RIMS2: variants seen among roughly 807,000 people sequenced by gnomAD.
RIMS2 encodes regulating synaptic membrane exocytosis protein 2.
A neutral mutation model predicts 174.4 loss-of-function variants in RIMS2; 59 were observed. The observed-to-expected ratio is 0.34, with a 90% confidence interval of 0.27 to 0.42. RIMS2 has a LOEUF of 0.42. Among genes scored for constraint, RIMS2 ranks in the 10% least tolerant of loss-of-function variants. The pLI, the probability that RIMS2 is intolerant of heterozygous loss-of-function variation, is 1.00. For synonymous variants in RIMS2, 606 were observed against 572.5 expected, an observed-to-expected ratio of 1.06 and a Z score of -0.84; for missense variants, 1,620 against 1,666.3, an observed-to-expected ratio of 0.97 and a Z score of 0.48.
chr8:104,206,081 G>C (rs1221065086), intron 19 of RIMS2, among the ~76,000 whole-genome samples: 1 of 152,036 alleles, frequency 6.6e-6, no homozygotes, highest in Non-Finnish European at 1.5e-5. Context: ...ATATTATGAA[G>C]AGGAAAAGGA....
At chr8:103,810,281 A>G (rs1190232750) in intron 3 of RIMS2, among the ~76,000 whole-genome samples, 1 of 152,160 alleles carries the variant, frequency 6.6e-6, no homozygotes, top group African/African-American at 2.4e-5. Flanking sequence ...CTCCTGGGCT[A>G]TGCTGACAAG....
chr8:103,611,142 T>TTTTTG (rs946335372), intron 1 of RIMS2, among the ~76,000 whole-genome samples: 7 of 152,144 alleles, frequency 4.6e-5, no homozygotes, highest in East Asian at 1.9e-4. Context: ...CCCTGAGGGT[T>TTTTTG]TTTTGTTTTG....
chr8:103,799,984 A>G lies in RIMS2; in HGVS notation c.698+33447A>G, dbSNP rs528819012. Among the ~76,000 whole-genome samples the G allele has an allele frequency of 2.6e-5, 4 of 152,270 alleles. No individual in the cohort carries two copies. In the South Asian group the frequency reaches 8.3e-4, roughly 32 times the overall value. ...TACAGTTTTTACCTTTCTCATGTAT[A>G]TTTTAAATTAAGTCAGAGTTCACTT... On this transcript the variant is annotated intron_variant, in intron 3 of 23. Coordinates refer to ENST00000504942, the Ensembl canonical transcript of RIMS2.
intron 12 of RIMS2, 28 bp downstream of exon 14, chr8:103,931,421 C>A (rs765105442): frequency 1.3e-6 from 2 of 1,491,122 alleles, no homozygotes; most frequent in South Asian, 2.5e-5. Context: ...AATAAATGTT[C>A]TGGAAAATAA....
intron 3 of RIMS2, among the ~76,000 whole-genome samples, chr8:103,793,262 G>C (rs1277388132): frequency 1.3e-5 from 2 of 152,104 alleles, no homozygotes; most frequent in Non-Finnish European, 2.9e-5. Context: ...CCCTGGGATG[G>C]AAGGCTGGTT....
chr8:103,534,916 A>T (rs1486917436), intron 1 of RIMS2, among the ~76,000 whole-genome samples: 1 of 152,206 alleles, frequency 6.6e-6, no homozygotes. Flanking sequence ...CCAACCCTTG[A>T]TTTAGGCCAG....
chr8:103,789,650 T>A (rs1212329520), intron 3 of RIMS2, among the ~76,000 whole-genome samples: 2 of 152,140 alleles, frequency 1.3e-5, no homozygotes, highest in Non-Finnish European at 2.9e-5. Flanking sequence ...TCACTTCAGA[T>A]TGCAAATACT....
chr8:104,192,853 C>A (rs957623914), intron 19 of RIMS2, among the ~76,000 whole-genome samples: 2 of 152,164 alleles, frequency 1.3e-5, no homozygotes, highest in Non-Finnish European at 2.9e-5. Context: ...GTGAACAAGA[C>A]AGACACATGG....
At chr8:103,781,148 T>C (rs1157733359) in intron 3 of RIMS2, among the ~76,000 whole-genome samples, 1 of 152,140 alleles carries the variant, frequency 6.6e-6, no homozygotes, top group Non-Finnish European at 1.5e-5. Flanking sequence ...GCATCTCCTT[T>C]GATTGAGTTA....
intron 19 of RIMS2, among the ~76,000 whole-genome samples, chr8:104,118,309 T>C (rs1330369062): frequency 6.6e-6 from 1 of 151,996 alleles, no homozygotes; most frequent in Non-Finnish European, 1.5e-5. Flanking sequence ...AACTTCCAGT[T>C]GATAATTACC....
chr8:103,862,436 G>T (rs1242185725), intron 3 of RIMS2, among the ~76,000 whole-genome samples: 1 of 151,480 alleles, frequency 6.6e-6, no homozygotes, highest in Non-Finnish European at 1.5e-5. Context: ...ATTTCCCTTG[G>T]ATTGCTTTGG....
At chr8:103,832,082 A>G (rs891114481) in intron 3 of RIMS2, among the ~76,000 whole-genome samples, 1 of 152,188 alleles carries the variant, frequency 6.6e-6, no homozygotes, top group Non-Finnish European at 1.5e-5. Context: ...TTTGATATTA[A>G]TATAACCATG....
chr8:104,145,260 T>A (rs909197147), intron 19 of RIMS2, among the ~76,000 whole-genome samples: 7 of 152,148 alleles, frequency 4.6e-5, no homozygotes, highest in Non-Finnish European at 8.8e-5. Flanking sequence ...TGTTTTTTTT[T>A]AAAGCTTTTG....
chr8:104,184,870 C>T (rs148582460), intron 19 of RIMS2, among the ~76,000 whole-genome samples: 6 of 151,326 alleles, frequency 4.0e-5, no homozygotes, highest in African/African-American at 1.2e-4. Flanking sequence ...CTTTTTAATA[C>T]GTATGTACAT....
intron 3 of RIMS2, among the ~76,000 whole-genome samples, chr8:103,830,055 T>C (rs919364220): frequency 2.6e-5 from 4 of 152,268 alleles, no homozygotes; most frequent in African/African-American, 9.6e-5. Context: ...ATTTCTTTAT[T>C]ATCTTGTTAA....
chr8:104,077,356 G>A (rs1461393299), intron 19 of RIMS2, among the ~76,000 whole-genome samples: 3 of 151,894 alleles, frequency 2.0e-5, no homozygotes, highest in Non-Finnish European at 4.4e-5. Context: ...TTGTCATCAG[G>A]AATCTAGTAG....
At chr8:103,669,529 G>A (rs1293346238) in intron 1 of RIMS2, among the ~76,000 whole-genome samples, 1 of 152,196 alleles carries the variant, frequency 6.6e-6, no homozygotes, top group African/African-American at 2.4e-5. Context: ...CTATGAGCCT[G>A]TAAAATCAAA....
At chr8:103,970,712 G>C (rs1367144163) in intron 15 of RIMS2, among the ~76,000 whole-genome samples, 2 of 152,102 alleles carry the variant, frequency 1.3e-5, no homozygotes, top group Non-Finnish European at 2.9e-5. Context: ...GTTTTTGCCT[G>C]TCTCTTCAAT....
intron 19 of RIMS2, among the ~76,000 whole-genome samples, chr8:104,017,448 A>G (rs1344878010): frequency 6.6e-6 from 1 of 152,068 alleles, no homozygotes; most frequent in Non-Finnish European, 1.5e-5. Flanking sequence ...GTTTAGAACC[A>G]GAGAAGTAAA....
Sources: gnomAD v4.1 joint callset for allele counts (sites outside exome capture counted in the v4.1 genomes callset) on GRCh38, gnomAD v4.1.1 for gene constraint, MANE v1.5 for transcripts, NCBI Gene and HGNC (gene_info 2026-07-23, HGNC 2026-07-21) for gene names.